CAST: variants seen among roughly 807,000 people sequenced by gnomAD.
CAST encodes the protein MIR583 host.
In CAST, 76 loss-of-function variants were observed where a neutral mutation model predicts 119.6. The ratio of observed to expected loss-of-function variants is 0.64; its 90% confidence interval spans 0.53 to 0.77. The LOEUF is 0.77. CAST is among the 30% of genes least tolerant of loss of function. The pLI is 0.00. For synonymous variants in CAST, 319 were observed against 331.6 expected, an observed-to-expected ratio of 0.96 and a Z score of 0.41; for missense variants, 953 against 946.5, an observed-to-expected ratio of 1.01 and a Z score of -0.09.
the CAST span, among the ~76,000 whole-genome samples, chr5:96,006,917 A>G: frequency 6.6e-6 from 1 of 152,212 alleles, no homozygotes; most frequent in Non-Finnish European, 1.5e-5. Context: ...AGCAAAAGAA[A>G]ATGACAGCCT....
At chr5:96,532,452 T>C (rs1745707015) in intron 1 of CAST, among the ~76,000 whole-genome samples, 1 of 152,136 alleles carries the variant, frequency 6.6e-6, no homozygotes, top group East Asian at 1.9e-4. Flanking sequence ...TGGTGGCGCA[T>C]GCCTGTAATC....
At chr5:96,607,860 T>G in intron 1 of CAST, among the ~76,000 whole-genome samples, 1 of 152,212 alleles carries the variant, frequency 6.6e-6, no homozygotes, top group East Asian at 1.9e-4. Flanking sequence ...TGATTGAACA[T>G]ATGGGGTACA....
chr5:96,356,924 G>C, the CAST span, among the ~76,000 whole-genome samples: 2 of 152,196 alleles, frequency 1.3e-5, no homozygotes, highest in African/African-American at 4.8e-5. Context: ...ACTGTGGGCA[G>C]TATGGCCATT....
the CAST span, among the ~76,000 whole-genome samples, chr5:96,071,706 C>T: frequency 4.7e-4 from 72 of 152,276 alleles, no homozygotes; most frequent in African/African-American, 1.6e-3. Flanking sequence ...TCCTTCCTTA[C>T]TTTTGTATCT....
chr5:96,034,500 CACACACATATGT>C, the CAST span, among the ~76,000 whole-genome samples: 2 of 124,136 alleles, frequency 1.6e-5, no homozygotes, highest in Non-Finnish European at 3.4e-5. Context: ...CACACACACA[CACACACATATGT>C]GTGTGTGTAT....
rs77895359 is a variant in CAST, at chr5:96,726,751, C to T, written c.271-43C>T. The T allele has an allele frequency of 1.4e-4, 186 of 1,363,074 alleles. No homozygotes were observed. In the African/African-American group the frequency reaches 2.4e-3, roughly 18 times the overall value. 84.4% of individuals were successfully genotyped at this position (1,363,074 alleles called of 1,614,324 possible). On this transcript the variant is annotated intron_variant, in intron 4 of 31. Coordinates refer to ENST00000675179, the MANE Select transcript of CAST (RefSeq NM_001750.7). The stretch of plus-strand genomic sequence containing the variant: ...TTGTACATGTTACTTATTTGACTGA[C>T]AGATAAAATAAAATTATACCTGGGG...
At chr5:96,110,765 G>T in the CAST span, among the ~76,000 whole-genome samples, 1 of 152,166 alleles carries the variant, frequency 6.6e-6, no homozygotes, top group Non-Finnish European at 1.5e-5. Context: ...TCAGTAAGCA[G>T]GTCAAAGAGG....
rs1405197973 is a variant in CAST, at chr5:96,669,289, T to G, written c.76-6250T>G. On this transcript the variant is annotated intron_variant, in intron 1 of 31. Coordinates refer to ENST00000675179, the MANE Select transcript of CAST (RefSeq NM_001750.7). ...ATACAAATATATTTTAAGGCATTTT[T>G]GTGGGAAATACCAATTTGCACATTG... Among the ~76,000 whole-genome samples the G allele has an allele frequency of 9.8e-5, 15 of 152,342 alleles. No individual in the cohort carries two copies. In the East Asian group the frequency reaches 2.1e-3, roughly 22 times the overall value.
chr5:96,480,637 T>A, the CAST span, among the ~76,000 whole-genome samples: 3 of 152,110 alleles, frequency 2.0e-5, no homozygotes, highest in Non-Finnish European at 4.4e-5. Flanking sequence ...GAATTACATG[T>A]AAGAAACTAG....
chr5:96,211,482 T>C, the CAST span, among the ~76,000 whole-genome samples: 1 of 152,066 alleles, frequency 6.6e-6, no homozygotes, highest in Admixed American at 6.6e-5. Context: ...TCCCTGAAAT[T>C]AGCCCACTTT....
the CAST span, among the ~76,000 whole-genome samples, chr5:96,123,929 T>C: frequency 1.3e-5 from 2 of 152,178 alleles, no homozygotes; most frequent in Non-Finnish European, 2.9e-5. Flanking sequence ...TCTCATTCTC[T>C]TTTTAGCGTC....
At chr5:96,093,805 T>C in the CAST span, among the ~76,000 whole-genome samples, 339 of 152,220 alleles carry the variant, frequency 2.2e-3, 2 homozygotes, top group African/African-American at 7.2e-3. Context: ...AAAGGGAAAA[T>C]CACTAGGGTA....
chr5:96,579,030 C>T (rs1309089806), intron 1 of CAST, among the ~76,000 whole-genome samples: 2 of 152,218 alleles, frequency 1.3e-5, no homozygotes, highest in Non-Finnish European at 2.9e-5. Flanking sequence ...TTTCCCTAGA[C>T]TAGGCTGCTT....
At chr5:96,060,765 T>A in the CAST span, among the ~76,000 whole-genome samples, 1 of 151,852 alleles carries the variant, frequency 6.6e-6, no homozygotes, top group African/African-American at 2.4e-5. Context: ...CCATGTGGAG[T>A]TTGTGGAAAG....
the CAST span, among the ~76,000 whole-genome samples, chr5:96,029,627 A>G: frequency 1.3e-5 from 2 of 152,172 alleles, no homozygotes; most frequent in Non-Finnish European, 2.9e-5. Context: ...AATAAATTAA[A>G]TAACATCTTA....
chr5:96,543,671 A>C (rs1745956605), intron 1 of CAST, among the ~76,000 whole-genome samples: 1 of 152,208 alleles, frequency 6.6e-6, no homozygotes, highest in Non-Finnish European at 1.5e-5. Context: ...TGACAAACCC[A>C]AAATCACCCA....
chr5:96,067,231 G>A, the CAST span, among the ~76,000 whole-genome samples: 1 of 152,074 alleles, frequency 6.6e-6, no homozygotes, highest in South Asian at 2.1e-4. Context: ...TGTGCTTAAG[G>A]TTATATTCTG....
At chr5:96,443,593 C>T in the CAST span, among the ~76,000 whole-genome samples, 1 of 152,148 alleles carries the variant, frequency 6.6e-6, no homozygotes, top group Admixed American at 6.5e-5. Flanking sequence ...TATAAATAGG[C>T]ATTGAAGTAA....
intron 3 of CAST, among the ~76,000 whole-genome samples, chr5:96,699,647 T>C (rs1256729270): frequency 1.3e-5 from 2 of 152,146 alleles, no homozygotes; most frequent in Non-Finnish European, 2.9e-5. Flanking sequence ...AGCTCATTCT[T>C]GTTTGGCACA....
Sources: gnomAD v4.1 joint callset for allele counts (sites outside exome capture counted in the v4.1 genomes callset) on GRCh38, gnomAD v4.1.1 for gene constraint, MANE v1.5 for transcripts, NCBI Gene and HGNC (gene_info 2026-07-23, HGNC 2026-07-21) for gene names.